SPACA1: variants seen among roughly 807,000 people sequenced by gnomAD.
SPACA1 encodes the protein sperm acrosome membrane-associated protein 1.
A neutral mutation model predicts 32.6 loss-of-function variants in SPACA1; 17 were observed. The ratio of observed to expected loss-of-function variants is 0.52; its 90% CI spans 0.36 to 0.78. The LOEUF (loss-of-function observed/expected upper bound fraction) is 0.78. Among genes scored for constraint, SPACA1 ranks in the 30% least tolerant of loss-of-function variants. The pLI is 0.01. For synonymous variants in SPACA1, 140 were observed against 138.1 expected (o/e 1.01, Z -0.10); for missense variants, 363 against 373.4 (o/e 0.97, Z 0.23).
chr6:88,056,723 A>G (rs1775814608), intron 2 of SPACA1, among the ~76,000 whole-genome samples: 1 of 152,160 alleles, frequency 6.6e-6, no homozygotes, highest in African/African-American at 2.4e-5. Flanking sequence ...TAATTAAGGA[A>G]ATAAAAATGG....
At chr6:88,056,606 TTGCA>T (rs1290016549) in intron 2 of SPACA1, among the ~76,000 whole-genome samples, 3 of 152,146 alleles carry the variant, frequency 2.0e-5, no homozygotes, top group African/African-American at 7.2e-5. Context: ...TCCAGGTGAC[TTGCA>T]TGCACTGTCA....
In SPACA1 at chr6:88,066,207, G is replaced by C; in HGVS notation, c.757G>C (p.Ala253Pro). ...NWAAVKAFWG[A>P]KASTPEVQSE... ...GGCAGCAGTCAAGGCTTTCTGGGGG[G>C]CAAAAGCCTCTACACCTGAGGTACA... is the stretch of plus-strand genomic sequence containing the variant. The change falls in exon 7 of 7, where the codon GCA becomes CCA. Residue 253 changes from alanine to proline, a missense_variant. By Grantham distance (27) the Ala-to-Pro change is conservative (BLOSUM62 -1). Transcript: ENST00000237201. 2 of 1,598,030 alleles carry C rather than the reference G, an allele frequency of 1.3e-6. No homozygotes were observed. The highest frequency in any genetic ancestry group is 8.5e-7 in the Non-Finnish European group (1 of 1,170,700).
intron 3 of SPACA1, 98 bp downstream of exon 3, chr6:88,057,811 C>A: frequency 2.4e-6 from 2 of 839,848 alleles, no homozygotes; most frequent in Non-Finnish European, 2.0e-6. Flanking sequence ...AGGAGGCAAC[C>A]AGTTGACATA....
At chr6:88,065,193 A>G (rs1177796419) in intron 6 of SPACA1, among the ~76,000 whole-genome samples, 1 of 148,794 alleles carries the variant, frequency 6.7e-6, no homozygotes, top group African/African-American at 2.4e-5. Context: ...TATTATGTAT[A>G]TACATACATA....
chr6:88,051,457 T>C (rs1775727764), intron 1 of SPACA1, among the ~76,000 whole-genome samples: 1 of 152,206 alleles, frequency 6.6e-6, no homozygotes, highest in South Asian at 2.1e-4. Context: ...TGATGATATA[T>C]ACCAAAAGTT....
chr6:88,047,983 C>T lies in SPACA1; in HGVS notation c.78C>T (p.Ser26=). 1 of 1,568,850 alleles carries T rather than the reference C, an allele frequency of 6.4e-7. No homozygotes were observed. The highest frequency in any genetic ancestry group is 1.2e-5 in the South Asian group (1 of 85,198). The change falls in exon 1 of 7, where the codon TCC becomes TCT. Residue 26 remains serine (S), a synonymous_variant. Coordinates refer to ENST00000237201, the MANE Select transcript of SPACA1 (RefSeq NM_030960.3). ...GGCTGCTTCTGGCGGGCCTCCAGTCCGCGCGCGGGACCAACGTCACCGCTG... is the reference window on the plus strand; with the variant it reads ...GGCTGCTTCTGGCGGGCCTCCAGTCTGCGCGCGGGACCAACGTCACCGCTG... ...VGWLLLAGLQ[S]ARGTNVTAAV...
intron 1 of SPACA1, among the ~76,000 whole-genome samples, chr6:88,053,050 T>C (rs1341944747): frequency 2.0e-5 from 3 of 152,262 alleles, no homozygotes; most frequent in Non-Finnish European, 4.4e-5. Flanking sequence ...CCTTATTTAA[T>C]TCTTACAGCA....
At chr6:88,062,178 T>C (rs1192271481) in intron 5 of SPACA1, among the ~76,000 whole-genome samples, 2 of 152,246 alleles carry the variant, frequency 1.3e-5, no homozygotes, top group African/African-American at 4.8e-5. Context: ...GCGAGATCCC[T>C]AACTTGAGTT....
At chr6:88,057,950 G>T (rs954916136) in intron 3 of SPACA1, among the ~76,000 whole-genome samples, 7 of 152,132 alleles carry the variant, frequency 4.6e-5, no homozygotes, top group African/African-American at 7.2e-5. Flanking sequence ...ATAATACACT[G>T]GAGGCTTACT....
chr6:88,053,104 C>T (rs1428932973), intron 1 of SPACA1, among the ~76,000 whole-genome samples: 1 of 152,198 alleles, frequency 6.6e-6, no homozygotes, highest in Non-Finnish European at 1.5e-5. Context: ...GAAGGGTTAA[C>T]TAAGCCTGAC....
Position 88,047,943 on chromosome 6 carries a change from T to C in SPACA1, c.38T>C (p.Leu13Pro), listed in dbSNP as rs1775666060. ...PRGTGCSAGL[L>P]MTVGWLLLAG... is the part of the protein sequence containing the mutation. ...GGCACGGGCTGCTCCGCCGGGCTGC[T>C]GATGACTGTCGGCTGGCTGCTTCTG... Residue 13 changes from leucine to proline, a missense_variant, in exon 1 of 7, where the codon CTG (leucine) becomes CCG (proline). Coordinates refer to ENST00000237201, the MANE Select transcript of SPACA1 (RefSeq NM_030960.3). 6.4e-7 allele frequency: 1 copy of C among 1,568,078 alleles called. No individual in the cohort carries two copies. The highest frequency in any genetic ancestry group is 8.6e-7 in the Non-Finnish European group (1 of 1,157,826).
chr6:88,063,306 A>C (rs1192430991), intron 5 of SPACA1, among the ~76,000 whole-genome samples: 1 of 152,208 alleles, frequency 6.6e-6, no homozygotes, highest in East Asian at 1.9e-4. Flanking sequence ...CAACTGGAAC[A>C]GCCTAGATAT....
chr6:88,065,244 T>C (rs1165422905), intron 6 of SPACA1, among the ~76,000 whole-genome samples: 4 of 148,772 alleles, frequency 2.7e-5, no homozygotes, highest in African/African-American at 9.8e-5. Context: ...TAGACACATG[T>C]ATGTAATATA....
At chr6:88,064,499 A>T (rs973301636) in intron 6 of SPACA1, 1 of 187,740 alleles carries the variant, frequency 5.3e-6, no homozygotes, top group African/African-American at 2.4e-5. Context: ...AAAAAGTTTT[A>T]TTTAATGAAT....
At position 88,059,584 on chromosome 6, in the gene SPACA1, C is replaced by T. The variant is rs1582273437; in HGVS notation, c.606C>T (p.Ser202=). ...VATIKFTVYT[S]SELQMRRSSL... ...CTATTAAATTCACAGTCTATACGAG[C>T]AGTGGTAAGTGTCCAGCAATGTCTT... Residue 202 remains serine, a synonymous_variant, in exon 5 of 7, where the codon AGC becomes AGT. Transcript: ENST00000237201. 6.2e-7 allele frequency: 1 copy of T among 1,610,048 alleles called. No individual in the cohort carries two copies. Among genetic ancestry groups the T allele is most frequent in the Admixed American group, 1.7e-5 (1 of 59,408 alleles).
intron 5 of SPACA1, 89 bp downstream of exon 5, chr6:88,059,677 C>G (rs1449751851): frequency 3.9e-6 from 5 of 1,281,324 alleles, no homozygotes; most frequent in Non-Finnish European, 5.3e-6. Context: ...ACACCAGTCT[C>G]TAGCCCTCCC....
rs369745181 is a variant in SPACA1, at chr6:88,057,678, G to C, written c.332G>C (p.Arg111Pro). Reference sequence around the variant, plus strand: ...GGTGGTGAATCCAAGTGTGTTGTACGGGTAGAAGAATGCCGTGGACCAACA... The same window carrying C: ...GGTGGTGAATCCAAGTGTGTTGTACCGGTAGAAGAATGCCGTGGACCAACA... ...CPGGESKCVV[R>P]VEECRGPTDC... The change falls in exon 3 of 7, where the codon CGG becomes CCG. Residue 111 changes from arginine to proline, a missense_variant. Transcript: ENST00000237201. 1 of 1,613,968 alleles carries C rather than the reference G, an allele frequency of 6.2e-7. No individual in the cohort carries two copies. Among genetic ancestry groups the C allele is most frequent in the Admixed American group, 1.7e-5 (1 of 60,016 alleles).
In SPACA1 at chr6:88,064,129, C is replaced by G; in HGVS notation, c.641C>G (p.Ala214Gly). Residue 214 changes from alanine to glycine, a missense_variant, in exon 6 of 7, where the codon GCC becomes GGC. Transcript: ENST00000237201. The part of the protein sequence containing the change: ...ELQMRRSSLP[A>G]TDAALIFVLT... ...CAGATGAGAAGATCAAGCCTACCAG[C>G]CACTGATGCAGCCCTAATTTTTGTG... The G allele has an allele frequency of 6.2e-7, 1 of 1,613,438 alleles. No individual in the cohort carries two copies. The highest frequency in any genetic ancestry group is 8.5e-7 in the Non-Finnish European group (1 of 1,179,618).
At chr6:88,066,048 C>T (rs1775979076) in intron 6 of SPACA1, 134 bp from the exon 7 acceptor site, 2 of 571,008 alleles carry the variant, frequency 3.5e-6, no homozygotes, top group Non-Finnish European at 5.6e-6. Flanking sequence ...ATATTTGTAC[C>T]ATATATAATA....
Sources: gnomAD v4.1 joint callset for allele counts (sites outside exome capture counted in the v4.1 genomes callset) on GRCh38, gnomAD v4.1.1 for gene constraint, MANE v1.5 for transcripts, NCBI Gene and HGNC (gene_info 2026-07-23, HGNC 2026-07-21) for gene names.